Variants in ABI3BP observed in about 807,000 individuals in gnomAD.
The protein encoded by ABI3BP is target of Nesh-SH3.
Under a neutral mutation model 268.6 loss-of-function variants are expected in ABI3BP, and 216 were observed. The observed-to-expected ratio is 0.80, with a 90% CI of 0.72 to 0.90. ABI3BP has a LOEUF of 0.90. Among genes scored for constraint, ABI3BP ranks in the 40% least tolerant of loss-of-function variants. The pLI, the probability that ABI3BP is intolerant of heterozygous loss-of-function variation, is 0.00. For missense variants in ABI3BP, 2,090 were observed against 2,182.4 expected (o/e 0.96, Z 0.84); for synonymous variants, 730 against 730.0 (o/e 1.00, Z 0.00).
At chr3:100,808,841 C>A (rs2097778098) in intron 49 of ABI3BP, among the ~76,000 whole-genome samples, 1 of 151,936 alleles carries the variant, frequency 6.6e-6, no homozygotes, top group Non-Finnish European at 1.5e-5. Context: ...CCAATTTTTT[C>A]TTCACCAAAA....
intron 55 of ABI3BP, among the ~76,000 whole-genome samples, chr3:100,791,655 A>G (rs1334584978): frequency 6.6e-6 from 1 of 151,912 alleles, no homozygotes; most frequent in Non-Finnish European, 1.5e-5. Context: ...GTGTGTAATT[A>G]TAAATTAACA....
intron 2 of ABI3BP, chr3:100,912,024 T>C (rs1433794983): frequency 4.0e-6 from 3 of 756,090 alleles, no homozygotes; most frequent in Non-Finnish European, 7.3e-6. Context: ...TATAAACAAC[T>C]TCAACATCAT....
chr3:100,993,309 T>C lies in ABI3BP; in HGVS notation c.76A>G (p.Lys26Glu). ...CATAAAACATCAGGCTACTTGCCTT[T>C]TGGCAATTTCTGTGCATTTCCCAGG... ...LALGNAQKLP[K>E]GKRPNLKVHI... Residue 26 changes from lysine to glutamate, a missense_variant, in exon 1 of 68, where the codon AAA becomes GAA. Coordinates refer to ENST00000471714, the MANE Select transcript of ABI3BP (RefSeq NM_001375547.2). 1 of 1,549,638 alleles carries C rather than the reference T, an allele frequency of 6.5e-7. No homozygotes were observed. The highest frequency in any genetic ancestry group is 8.7e-7 in the Non-Finnish European group (1 of 1,145,330).
At chr3:100,850,819 C>T (rs2098829227) in intron 15 of ABI3BP, 85 bp from the exon 16 acceptor site, 4 of 1,011,122 alleles carry the variant, frequency 4.0e-6, no homozygotes, top group East Asian at 4.8e-5. Context: ...AATTATGCCT[C>T]ATATGAGGAA....
Position 100,840,159 on chromosome 3 carries a change from G to C in ABI3BP, c.1810C>G (p.Arg604Gly), listed in dbSNP as rs776455220. 3.9e-6 allele frequency: 6 copies of C among 1,531,058 alleles called. No homozygotes were observed. The highest frequency in any genetic ancestry group is 5.2e-6 in the Non-Finnish European group (6 of 1,144,724). 94.8% of individuals were successfully genotyped at this position (1,531,058 alleles called of 1,614,324 possible). A position where few individuals can be genotyped will look rare whatever the true frequency, so the allele number is the denominator to read the frequency against. ...GTKPSTTLAPRKTKRPGRRPR... is the reference protein window; with the variant it reads ...GTKPSTTLAPGKTKRPGRRPR... ...CGACGACCTGGTCTTTTGGTCTTTC[G>C]TGGTGCTGAAGAAAGAAAATTAGCA... Residue 604 changes from arginine to glycine, a missense_variant, in exon 23 of 68, where the codon CGA becomes GGA. Transcript: ENST00000471714.
intron 2 of ABI3BP, among the ~76,000 whole-genome samples, chr3:100,924,083 G>A (rs2061099293): frequency 6.6e-6 from 1 of 152,108 alleles, no homozygotes; most frequent in Non-Finnish European, 1.5e-5. Flanking sequence ...AAATACAGGG[G>A]ATAGGAGGAG....
chr3:100,806,619 A>C (rs1358435591), intron 50 of ABI3BP, among the ~76,000 whole-genome samples: 1 of 152,134 alleles, frequency 6.6e-6, no homozygotes. Context: ...CCTTACATTA[A>C]GTAGCACTGA....
intron 46 of ABI3BP, 101 bp downstream of exon 46, chr3:100,812,366 G>T (rs2097883109): frequency 1.4e-6 from 1 of 716,474 alleles, no homozygotes; most frequent in Non-Finnish European, 2.0e-6. Context: ...TGAGGAGCAA[G>T]TGGCTATGAA....
rs553200547 is a variant in ABI3BP at position 100,753,304 on chromosome 3, C to CT, written c.4961-357dup. Among the ~76,000 whole-genome samples the CT allele has an allele frequency of 8.1e-3, 1,171 of 144,426 alleles. 7 individuals carry two copies. The highest frequency in any genetic ancestry group is 0.03 in the South Asian group (135 of 4,556). The allele number at this position is 144,426 out of a possible 152,430, so 94.7% of individuals were successfully genotyped here. A position where few individuals can be genotyped will look rare whatever the true frequency, so the allele number is the denominator to read the frequency against. On this transcript the variant is annotated intron_variant, in intron 65 of 67. Coordinates refer to ENST00000471714, the MANE Select transcript of ABI3BP (RefSeq NM_001375547.2). ...AAAGTGGAAATGAGGGTGTTAATAT[C>CT]TTTTTTTTTTTTTGAGACAGGATCT... is the stretch of plus-strand genomic sequence containing the variant.
chr3:100,901,643 G>A (rs1363192347), intron 3 of ABI3BP, among the ~76,000 whole-genome samples: 1 of 152,004 alleles, frequency 6.6e-6, no homozygotes. Context: ...GTGGGCGCCT[G>A]TAGTCCCAGC....
chr3:100,841,696 C>T (rs920724315), intron 21 of ABI3BP, among the ~76,000 whole-genome samples: 4 of 152,010 alleles, frequency 2.6e-5, no homozygotes, highest in Admixed American at 1.3e-4. Context: ...TGAGACCAGC[C>T]TGGCCAGCGT....
intron 1 of ABI3BP, among the ~76,000 whole-genome samples, chr3:100,943,799 G>A (rs958537026): frequency 6.6e-6 from 1 of 151,898 alleles, no homozygotes; most frequent in African/African-American, 2.4e-5. Context: ...ACATCTTCCA[G>A]TTGTCTTCAT....
In ABI3BP at chr3:100,770,916, C is replaced by T. The variant is rs375102420; in HGVS notation, c.4568G>A (p.Ser1523Asn). 3 of 1,596,780 alleles carry T rather than the reference C, an allele frequency of 1.9e-6. No homozygotes were observed. The highest frequency in any genetic ancestry group is 2.6e-6 in the Non-Finnish European group (3 of 1,171,684). ...GACAGAGTCAGTAATGGAGCAGGGA[C>T]TGTTGTCAGGCTTTTGGATGTATCG... ...HVRYIQKPDN[S>N]PCSITDSVKR... is the part of the protein sequence containing the mutation. Residue 1523 changes from serine (S) to asparagine (N), a missense_variant, in exon 62 of 68, where the codon AGT becomes AAT. Ser to Asn is a conservative substitution (Grantham distance 46). Coordinates refer to ENST00000471714, the MANE Select transcript of ABI3BP (RefSeq NM_001375547.2).
intron 51 of ABI3BP, among the ~76,000 whole-genome samples, chr3:100,803,079 A>G (rs1329456422): frequency 1.4e-5 from 2 of 146,248 alleles, no homozygotes; most frequent in Non-Finnish European, 3.1e-5. Context: ...ATCATATGGC[A>G]GGGCCAACAC....
intron 55 of ABI3BP, among the ~76,000 whole-genome samples, chr3:100,790,803 C>A (rs745996328): frequency 6.6e-6 from 1 of 151,824 alleles, no homozygotes; most frequent in African/African-American, 2.4e-5. Flanking sequence ...TAGGTTGCTT[C>A]TGCTTAAAAA....
At chr3:100,794,619 A>C (rs1298169632) in intron 54 of ABI3BP, among the ~76,000 whole-genome samples, 1 of 151,964 alleles carries the variant, frequency 6.6e-6, no homozygotes, top group Non-Finnish European at 1.5e-5. Flanking sequence ...ACAAAAAAGA[A>C]CAGCATTGAT....
intron 2 of ABI3BP, among the ~76,000 whole-genome samples, chr3:100,908,137 GA>G (rs71625574): frequency 6.7e-6 from 1 of 149,124 alleles, no homozygotes; most frequent in African/African-American, 2.5e-5. Flanking sequence ...AAAGAAAAAA[GA>G]AAAAAAAGTA....
At chr3:100,932,772 T>C (rs1199377152) in intron 1 of ABI3BP, among the ~76,000 whole-genome samples, 1 of 152,194 alleles carries the variant, frequency 6.6e-6, no homozygotes, top group Non-Finnish European at 1.5e-5. Context: ...GTTCAGCCAT[T>C]GTGGAAGGCA....
intron 28 of ABI3BP, 78 bp downstream of exon 28, chr3:100,835,523 C>T: frequency 8.9e-7 from 1 of 1,123,024 alleles, no homozygotes; most frequent in Non-Finnish European, 1.2e-6. Flanking sequence ...AAGAAAAAAC[C>T]CTTAGCCCAA....
Sources: allele counts gnomAD v4.1 joint callset (sites outside exome capture counted in the v4.1 genomes callset), GRCh38; gene constraint gnomAD v4.1.1; transcripts MANE v1.5; gene names NCBI Gene and HGNC (gene_info 2026-07-23, HGNC 2026-07-21).